Variants in ZNF362 observed in about 807,000 individuals in gnomAD.
ZNF362 encodes zinc finger protein 362.
In ZNF362, 11 loss-of-function variants were observed where a neutral mutation model predicts 42.9. The observed-to-expected ratio is 0.26, with a 90% CI of 0.16 to 0.42. The LOEUF (loss-of-function observed/expected upper bound fraction) is 0.42. Ranked by LOEUF, ZNF362 falls within the 20% of genes least tolerant of loss-of-function variation. The pLI is 1.00. For synonymous variants in ZNF362, 255 were observed against 257.3 expected, an observed-to-expected ratio of 0.99 and a Z score of 0.09; for missense variants, 362 against 576.2, an observed-to-expected ratio of 0.63 and a Z score of 3.81.
At chr1:33,219,401 C>T in the ZNF362 span, among the ~76,000 whole-genome samples, 1 of 152,168 alleles carries the variant, frequency 6.6e-6, no homozygotes. Context: ...AGCCTGCCCA[C>T]ATGTTTGATT....
the ZNF362 span, among the ~76,000 whole-genome samples, chr1:33,227,398 C>T: frequency 6.6e-6 from 1 of 152,148 alleles, no homozygotes; most frequent in African/African-American, 2.4e-5. Flanking sequence ...TAGACACTGA[C>T]TCTTTAGATG....
chr1:33,168,049 C>G, the ZNF362 span, among the ~76,000 whole-genome samples: 3 of 152,038 alleles, frequency 2.0e-5, no homozygotes, highest in African/African-American at 7.2e-5. Flanking sequence ...GTGTGTCCTG[C>G]AGAGAAAATA....
chr1:33,215,483 G>T, the ZNF362 span, among the ~76,000 whole-genome samples: 1 of 152,050 alleles, frequency 6.6e-6, no homozygotes, highest in Non-Finnish European at 1.5e-5. Flanking sequence ...GTAATTTATT[G>T]TATATTTAAA....
the ZNF362 span, among the ~76,000 whole-genome samples, chr1:33,158,865 A>G: frequency 6.7e-6 from 1 of 149,672 alleles, no homozygotes; most frequent in Non-Finnish European, 1.5e-5. Flanking sequence ...TTTGAGACAG[A>G]GTTTCGCTCT....
chr1:33,223,837 G>A, the ZNF362 span, among the ~76,000 whole-genome samples: 1 of 149,894 alleles, frequency 6.7e-6, no homozygotes, highest in Non-Finnish European at 1.5e-5. Context: ...AGGCTGCAGT[G>A]AGCCAAGATC....
At chr1:33,133,771 G>A in the ZNF362 span, among the ~76,000 whole-genome samples, 4 of 152,358 alleles carry the variant, frequency 2.6e-5, no homozygotes, top group East Asian at 1.9e-4. Context: ...CCCACGACAC[G>A]GAGGAGGCAT....
At position 33,299,165 on chromosome 1, in the gene ZNF362, A is replaced by G. The variant is rs1179493822; in HGVS notation, c.*119A>G. 6.7e-6 allele frequency: 5 copies of G among 750,242 alleles called. No individual in the cohort carries two copies. Among genetic ancestry groups the G allele is most frequent in the Middle Eastern group, 3.8e-4 (1 of 2,650 alleles). 46.5% of individuals were successfully genotyped at this position (750,242 alleles called of 1,614,324 possible). A position where few individuals can be genotyped will look rare whatever the true frequency, so the allele number is the denominator to read the frequency against. ...ACCAAGCTCTCTCACGACCTTCCCAATCTTCCAGAAAGCTTGGTCCGCAGA... is the reference window on the plus strand; with the variant it reads ...ACCAAGCTCTCTCACGACCTTCCCAGTCTTCCAGAAAGCTTGGTCCGCAGA... On this transcript the variant is annotated 3_prime_UTR_variant, in exon 9 of 9. Transcript: ENST00000539719.
the ZNF362 span, among the ~76,000 whole-genome samples, chr1:33,209,997 TA>T: frequency 6.6e-6 from 1 of 152,196 alleles, no homozygotes; most frequent in East Asian, 1.9e-4. Flanking sequence ...CTTCCTTCTC[TA>T]GTTGTTTTAA....
At chr1:33,234,621 C>A in the ZNF362 span, among the ~76,000 whole-genome samples, 1 of 152,148 alleles carries the variant, frequency 6.6e-6, no homozygotes, top group Non-Finnish European at 1.5e-5. Flanking sequence ...CTGCTGCCTT[C>A]CCGTTGAGCG....
chr1:33,131,489 T>A, the ZNF362 span, among the ~76,000 whole-genome samples: 1 of 152,216 alleles, frequency 6.6e-6, no homozygotes, highest in Non-Finnish European at 1.5e-5. Context: ...TTGAATGTGT[T>A]ATAAGTGTAA....
Position 33,256,624 on chromosome 1 carries a change from C to A in ZNF362, c.-119C>A, listed in dbSNP as rs1041284297. ...GGGCCGCCGGGCGCGGGGCTGCGGC[C>A]GCGTCCCGGAGGCGCCGCCAGCACA... On this transcript the variant is annotated 5_prime_UTR_variant, in exon 1 of 9. Transcript: ENST00000539719. The A allele has an allele frequency of 2.7e-5, 4 of 146,216 alleles. No individual in the cohort carries two copies. The East Asian group carries it at 8.1e-4, about 30-fold the overall frequency. The allele number at this position is 146,216 out of a possible 1,614,324, so 9.1% of individuals were successfully genotyped here. A position where few individuals can be genotyped will look rare whatever the true frequency, so the allele number is the denominator to read the frequency against.
chr1:33,246,391 T>C, the ZNF362 span, among the ~76,000 whole-genome samples: 1 of 152,132 alleles, frequency 6.6e-6, no homozygotes, highest in Non-Finnish European at 1.5e-5. Flanking sequence ...CTGGCTTGGG[T>C]TATGTGACCC....
At chr1:33,155,677 G>GA in the ZNF362 span, among the ~76,000 whole-genome samples, 4 of 152,080 alleles carry the variant, frequency 2.6e-5, no homozygotes, top group Non-Finnish European at 4.4e-5. Flanking sequence ...TACTTATTCT[G>GA]AAAAAATGAG....
At chr1:33,297,055 G>A (rs1351549366) in intron 8 of ZNF362, among the ~76,000 whole-genome samples, 2 of 152,124 alleles carry the variant, frequency 1.3e-5, no homozygotes, top group African/African-American at 2.4e-5. Context: ...TCAGGTGCCG[G>A]GCAGGGCTGC....
chr1:33,155,692 A>G, the ZNF362 span, among the ~76,000 whole-genome samples: 1 of 152,136 alleles, frequency 6.6e-6, no homozygotes, highest in East Asian at 1.9e-4. Context: ...AATGAGGATA[A>G]TAACACTTCC....
the ZNF362 span, among the ~76,000 whole-genome samples, chr1:33,240,888 A>G: frequency 1.3e-5 from 2 of 152,302 alleles, no homozygotes; most frequent in East Asian, 3.9e-4. Context: ...ATGCTTTTCA[A>G]TCTCACTTTG....
At chr1:33,293,779 A>G (rs140045432) in intron 6 of ZNF362, among the ~76,000 whole-genome samples, 67 of 152,312 alleles carry the variant, frequency 4.4e-4, no homozygotes, top group African/African-American at 1.6e-3. Flanking sequence ...GAAGGCCACT[A>G]TTAGTGCATG....
the ZNF362 span, among the ~76,000 whole-genome samples, chr1:33,128,590 T>C: frequency 1.3e-5 from 2 of 152,222 alleles, no homozygotes; most frequent in African/African-American, 2.4e-5. Context: ...CCCCACCCTC[T>C]TCCTGTGTCT....
chr1:33,180,975 C>T, the ZNF362 span: 1 of 836,772 alleles, frequency 1.2e-6, no homozygotes. Flanking sequence ...CCGCCCGGCC[C>T]CACCTCCAGC....
Sources: gnomAD v4.1 joint callset for allele counts (sites outside exome capture counted in the v4.1 genomes callset) on GRCh38, gnomAD v4.1.1 for gene constraint, MANE v1.5 for transcripts, NCBI Gene and HGNC (gene_info 2026-07-23, HGNC 2026-07-21) for gene names.